RBFOX1: variants seen among roughly 807,000 people sequenced by gnomAD.
RBFOX1 encodes RNA binding protein fox-1 homolog 1.
RBFOX1 carries 8 observed loss-of-function variants against 57.7 expected under a neutral mutation model. That is an observed-to-expected ratio of 0.14 (90% CI 0.08 to 0.25). The LOEUF (loss-of-function observed/expected upper bound fraction) is 0.25. Among genes scored for constraint, RBFOX1 ranks in the 10% least tolerant of loss-of-function variants. RBFOX1 has a pLI of 1.00. For missense variants in RBFOX1, 611 were observed against 548.5 expected, an observed-to-expected ratio of 1.11 and a Z score of -1.14; for synonymous variants, 326 against 222.4, an observed-to-expected ratio of 1.47 and a Z score of -4.15.
At chr16:7,220,003 G>A (rs992685602) in intron 4 of RBFOX1, among the ~76,000 whole-genome samples, 3 of 152,144 alleles carry the variant, frequency 2.0e-5, no homozygotes, top group Non-Finnish European at 2.9e-5. Flanking sequence ...TTAATGTGGT[G>A]TATCTTGTTC....
At chr16:5,877,185 G>A (rs1331600180) in intron 4 of RBFOX1, among the ~76,000 whole-genome samples, 1 of 152,236 alleles carries the variant, frequency 6.6e-6, no homozygotes, top group Non-Finnish European at 1.5e-5. Flanking sequence ...GTTCTAGAAT[G>A]AAGCAAACTA....
At chr16:6,727,032 C>A (rs2067349837) in intron 3 of RBFOX1, among the ~76,000 whole-genome samples, 1 of 115,014 alleles carries the variant, frequency 8.7e-6, no homozygotes. Context: ...GCCTCATGAC[C>A]TTCAGGTATT....
Position 5,410,909 on chromosome 16 carries a change from T to C in RBFOX1, c.220-56307T>C, listed in dbSNP as rs75254939. The stretch of plus-strand genomic sequence containing the variant: ...AAGCTTGGGAAACCACTTGTACTCT[T>C]TACATCTTGATTGTTTTCATCTCTA... On this transcript the variant is annotated intron_variant, in intron 1 of 2. Transcript: ENST00000585867. 2.2e-3 allele frequency among the ~76,000 whole-genome samples: 334 copies of C among 152,348 alleles called. 9 individuals carry two copies. In the East Asian group the frequency reaches 0.06, roughly 27 times the overall value.
At chr16:7,481,893 T>C (rs144518243) in intron 4 of RBFOX1, among the ~76,000 whole-genome samples, 10 of 152,340 alleles carry the variant, frequency 6.6e-5, no homozygotes, top group African/African-American at 2.2e-4. Flanking sequence ...TATCTTACAA[T>C]AAAGTGTTGA....
chr16:6,807,468 C>A (rs75289583), intron 3 of RBFOX1, among the ~76,000 whole-genome samples: 1 of 152,012 alleles, frequency 6.6e-6, no homozygotes, highest in African/African-American at 2.4e-5. Context: ...GCACACAGGG[C>A]TGGGGTCCTG....
chr16:6,978,998 T>G (rs929450222), intron 3 of RBFOX1, among the ~76,000 whole-genome samples: 1 of 152,164 alleles, frequency 6.6e-6, no homozygotes, highest in East Asian at 1.9e-4. Context: ...GTTGACTCTT[T>G]CTGACATCCA....
chr16:7,410,859 G>C (rs2098417800), intron 4 of RBFOX1, among the ~76,000 whole-genome samples: 1 of 117,174 alleles, frequency 8.5e-6, no homozygotes, highest in South Asian at 3.6e-4. Context: ...GTGTGTGTGT[G>C]TGTGTGTGTA....
chr16:6,849,378 G>A (rs1157830673), intron 3 of RBFOX1, among the ~76,000 whole-genome samples: 1 of 152,172 alleles, frequency 6.6e-6, no homozygotes, highest in Non-Finnish European at 1.5e-5. Context: ...AGATAGAACT[G>A]AAAGGCCTGG....
At chr16:7,353,806 G>C (rs2097168620) in intron 4 of RBFOX1, among the ~76,000 whole-genome samples, 2 of 152,154 alleles carry the variant, frequency 1.3e-5, no homozygotes, top group African/African-American at 2.4e-5. Context: ...GCTGAGGGGA[G>C]AGAGTATGGG....
At chr16:7,094,369 C>A (rs1483054787) in intron 4 of RBFOX1, among the ~76,000 whole-genome samples, 1 of 151,582 alleles carries the variant, frequency 6.6e-6, no homozygotes, top group Non-Finnish European at 1.5e-5. Flanking sequence ...CCATTGTCTT[C>A]CATTTATTAT....
At chr16:6,772,858 T>TTG (rs372542676) in intron 3 of RBFOX1, among the ~76,000 whole-genome samples, 2 of 111,028 alleles carry the variant, frequency 1.8e-5, no homozygotes, top group African/African-American at 3.5e-5. Context: ...TGGGATGCAT[T>TTG]TGTGTGTGTG....
chr16:5,857,454 C>T (rs1403958852), intron 3 of RBFOX1, among the ~76,000 whole-genome samples: 2 of 151,774 alleles, frequency 1.3e-5, no homozygotes, highest in Admixed American at 6.6e-5. Flanking sequence ...ACAGGGTTGC[C>T]GTAAAGCTTT....
chr16:7,413,469 A>T (rs2098449353), intron 4 of RBFOX1, among the ~76,000 whole-genome samples: 1 of 152,014 alleles, frequency 6.6e-6, no homozygotes, highest in African/African-American at 2.4e-5. Flanking sequence ...TTCTCACAAG[A>T]TCCAAGGTGA....
intron 3 of RBFOX1, among the ~76,000 whole-genome samples, chr16:5,644,083 A>G (rs1398908148): frequency 6.6e-6 from 1 of 152,234 alleles, no homozygotes; most frequent in Non-Finnish European, 1.5e-5. Context: ...TGCAAATTTC[A>G]GAGCAGAATG....
intron 4 of RBFOX1, among the ~76,000 whole-genome samples, chr16:5,952,233 C>G (rs919888041): frequency 6.6e-6 from 1 of 151,894 alleles, no homozygotes; most frequent in Non-Finnish European, 1.5e-5. Flanking sequence ...TCACTGCAAC[C>G]TCCACCTCCC....
rs1013553585 is a variant in RBFOX1, at chr16:5,303,460, C to G, written c.219+63355C>G. The stretch of plus-strand genomic sequence containing the variant: ...ACCAGACTTCTGTTTGCTGTCACCT[C>G]TCTTTCCATCACAGCTGCTTCCCTC... On this transcript the variant is annotated intron_variant, in intron 1 of 2. Coordinates refer to the RBFOX1 transcript ENST00000585867. 2.0e-5 allele frequency among the ~76,000 whole-genome samples: 3 copies of G among 152,236 alleles called. No homozygotes were observed. The South Asian group carries it at 6.2e-4, about 32-fold the overall frequency.
intron 2 of RBFOX1, among the ~76,000 whole-genome samples, chr16:6,556,328 C>A (rs17140585): frequency 0.015 from 2,277 of 152,218 alleles, 72 homozygotes; most frequent in African/African-American, 0.051. Context: ...TCAAGTGACA[C>A]TATCTCTTTG....
intron 4 of RBFOX1, among the ~76,000 whole-genome samples, chr16:7,125,024 G>T (rs1440839188): frequency 2.0e-5 from 3 of 152,262 alleles, no homozygotes; most frequent in African/African-American, 4.8e-5. Flanking sequence ...GGGAAGGAGG[G>T]GGCCGGCTTA....
intron 3 of RBFOX1, among the ~76,000 whole-genome samples, chr16:5,836,404 G>A (rs1398231803): frequency 2.6e-5 from 4 of 152,154 alleles, no homozygotes; most frequent in African/African-American, 7.2e-5. Context: ...ATCCTCAACA[G>A]GTCCTAAATG....
Sources: gnomAD v4.1 joint callset for allele counts (sites outside exome capture counted in the v4.1 genomes callset) on GRCh38, gnomAD v4.1.1 for gene constraint, MANE v1.5 for transcripts, NCBI Gene and HGNC (gene_info 2026-07-23, HGNC 2026-07-21) for gene names.